SARS2: variants seen among roughly 807,000 people sequenced by gnomAD.
SARS2 encodes the protein seryl-tRNA synthetase 2, mitochondrial, also known as serine--tRNA ligase, mitochondrial.
In SARS2, 52 loss-of-function variants were observed where a neutral mutation model predicts 66.8. The ratio of observed to expected loss-of-function variants is 0.78; its 90% CI spans 0.62 to 0.98. The LOEUF (loss-of-function observed/expected upper bound fraction) is 0.98. SARS2 is among the 50% of genes least tolerant of loss of function. The pLI is 0.00. For missense variants in SARS2, 673 were observed against 706.3 expected (o/e 0.95, Z 0.53); for synonymous variants, 306 against 281.4 (o/e 1.09, Z -0.87).
intron 1 of SARS2, among the ~76,000 whole-genome samples, chr19:38,928,548 T>C (rs1034938673): frequency 2.0e-5 from 3 of 152,030 alleles, no homozygotes; most frequent in South Asian, 4.2e-4. Context: ...ATTTTGGGTG[T>C]GTGTACTGGG....
At chr19:38,923,966 TCA>T (rs1432639143) in intron 2 of SARS2, among the ~76,000 whole-genome samples, 1 of 94,002 alleles carries the variant, frequency 1.1e-5, no homozygotes, top group Non-Finnish European at 1.9e-5. Context: ...AGAGCGAGAC[TCA>T]GTCTCAAAAA....
Position 38,919,791 on chromosome 19 carries a change from T to C in SARS2, c.730A>G (p.Asn244Asp). ...AGALLQHGLV[N>D]FTFNKLLRRG... Reference sequence around the variant, plus strand: ...CGGAGAAGCTTGTTGAATGTGAAGTTGACCAGGCCGTGCTGCAGGAGGGCT... The same window carrying C: ...CGGAGAAGCTTGTTGAATGTGAAGTCGACCAGGCCGTGCTGCAGGAGGGCT... The change falls in exon 7 of 16, where the codon AAC (asparagine) becomes GAC (aspartate). Residue 244 changes from asparagine (N) to aspartate (D), a missense_variant. Asn to Asp is a conservative substitution (Grantham distance 23). Transcript: ENST00000221431. The C allele has an allele frequency of 1.9e-6, 3 of 1,614,180 alleles. No homozygotes were observed. The highest frequency in any genetic ancestry group is 1.6e-4 in the Middle Eastern group (1 of 6,062).
chr19:38,924,131 C>CAA (rs56799985), intron 2 of SARS2, among the ~76,000 whole-genome samples: 36,115 of 141,986 alleles, frequency 0.25, 4,839 homozygotes, highest in East Asian at 0.43. Context: ...GACTCTGTCT[C>CAA]AAAAAAAAAA....
At chr19:38,925,177 G>A (rs1288119689) in intron 2 of SARS2, among the ~76,000 whole-genome samples, 1 of 152,174 alleles carries the variant, frequency 6.6e-6, no homozygotes, top group Admixed American at 6.5e-5. Flanking sequence ...GCCGGGCGTG[G>A]TGGCGCATGT....
At chr19:38,925,188 CTG>C (rs1974607029) in intron 2 of SARS2, among the ~76,000 whole-genome samples, 1 of 152,166 alleles carries the variant, frequency 6.6e-6, no homozygotes, top group Non-Finnish European at 1.5e-5. Context: ...TGGCGCATGT[CTG>C]TAATCCCAGC....
chr19:38,917,972 T>C lies in SARS2; in HGVS notation c.999A>G (p.Thr333=). 6.2e-7 allele frequency: 1 copy of C among 1,607,066 alleles called. No individual in the cohort carries two copies. The highest frequency in any genetic ancestry group is 8.5e-7 in the Non-Finnish European group (1 of 1,176,626). The change falls in exon 11 of 16, where the codon ACA becomes ACG. Residue 333 remains threonine (T), a synonymous_variant. Transcript: ENST00000221431. ...GCCCCCGGGGTTCCTGTCCCGTGTT[T>C]GTCTCTGCCCGGTAGCAGGTGCTGG... ...VCSSTCYRAE[T]NTGQEPRGLY...
At position 38,919,884 on chromosome 19, in the gene SARS2, C is replaced by T. The variant is rs1974487721; in HGVS notation, c.654-17G>A. The T allele has an allele frequency of 4.4e-6, 7 of 1,607,178 alleles. No individual in the cohort carries two copies. The South Asian group carries it at 4.4e-5, about 10-fold the overall frequency. On this transcript the variant is annotated splice_polypyrimidine_tract_variant and intron_variant, in intron 6 of 15. Transcript: ENST00000221431. Reference sequence around the variant, plus strand: ...GACAGGCGCCTGGGAGACAGACAGACAGGCGGGTGCACATGGGCCAGGCTG... The same window carrying T: ...GACAGGCGCCTGGGAGACAGACAGATAGGCGGGTGCACATGGGCCAGGCTG...
At chr19:38,916,354 G>A (rs1157516878) in intron 12 of SARS2, 40 bp from the exon 13 acceptor site, 3 of 1,553,656 alleles carry the variant, frequency 1.9e-6, no homozygotes, top group South Asian at 1.1e-5. Context: ...GTCAGCGGGT[G>A]AGAGGAGGAG....
At chr19:38,926,496 G>C (rs919064027) in intron 1 of SARS2, among the ~76,000 whole-genome samples, 196 bp from the exon 2 acceptor site, 4 of 152,148 alleles carry the variant, frequency 2.6e-5, no homozygotes, top group African/African-American at 7.2e-5. Context: ...CCAGAATTCA[G>C]ACACACTGGC....
At chr19:38,926,178 C>T (rs780337475) in intron 2 of SARS2, 27 bp downstream of exon 2, 1 of 1,587,536 alleles carries the variant, frequency 6.3e-7, no homozygotes, top group South Asian at 1.1e-5. Context: ...GTGGCCACTC[C>T]CCACCTACTC....
chr19:38,918,275 C>G, intron 9 of SARS2, 136 bp from the exon 10 acceptor site: 1 of 1,157,488 alleles, frequency 8.6e-7, no homozygotes, highest in South Asian at 1.3e-5. Flanking sequence ...TACTGCTGTA[C>G]AGTAAACAAC....
chr19:38,916,256 C>G lies in SARS2; in HGVS notation c.1219G>C (p.Glu407Gln). The G allele has an allele frequency of 6.2e-7, 1 of 1,614,042 alleles. No homozygotes were observed. The highest frequency in any genetic ancestry group is 8.5e-7 in the Non-Finnish European group (1 of 1,179,966). The stretch of plus-strand genomic sequence containing the variant: ...CGGCCTCGGCCTGGCATCCAGGCCT[C>G]AATGTCAAACTTGCGGTAGGCGGGG... ...GLPAYRKFDI[E>Q]AWMPGRGRFG... Residue 407 changes from glutamate to glutamine, a missense_variant, in exon 13 of 16, where the codon GAG becomes CAG. Glu to Gln is a conservative substitution (Grantham distance 29). Coordinates refer to ENST00000221431, the MANE Select transcript of SARS2 (RefSeq NM_017827.4).
intron 12 of SARS2, 95 bp from the exon 13 acceptor site, chr19:38,916,409 G>T: frequency 9.1e-7 from 1 of 1,103,128 alleles, no homozygotes; most frequent in Non-Finnish European, 1.4e-6. Context: ...CAGCCAAAAA[G>T]CAGGAAAAAG....
intron 3 of SARS2, 177 bp downstream of exon 3, chr19:38,922,061 A>T (rs1241203625): frequency 6.4e-7 from 1 of 1,566,884 alleles, no homozygotes; most frequent in Admixed American, 1.9e-5. Flanking sequence ...TGGAGCCAGC[A>T]CCTGGATCCA....
chr19:38,915,748 T>TCCC lies in SARS2; in HGVS notation c.1414_1415insGGG (p.Lys471_Asp472insGly). 6.2e-7 allele frequency: 1 copy of TCCC among 1,613,210 alleles called. No homozygotes were observed. The highest frequency in any genetic ancestry group is 8.5e-7 in the Non-Finnish European group (1 of 1,179,946). Reference sequence around the variant, plus strand: ...GGCAGGGGGCACGAGCACTGAGCCGTCCTGGGGACAGAGCAGACCTCAGGA... The same window carrying TCCC: ...GGCAGGGGGCACGAGCACTGAGCCGTCCCCCTGGGGACAGAGCAGACCTCAGGA... On this transcript the variant is annotated inframe_insertion and splice_region_variant, in exon 16 of 16. Transcript: ENST00000221431.
At chr19:38,928,517 T>C (rs1037983765) in intron 1 of SARS2, among the ~76,000 whole-genome samples, 1 of 147,162 alleles carries the variant, frequency 6.8e-6, no homozygotes, top group African/African-American at 2.5e-5. Flanking sequence ...AGAGCAATAA[T>C]TGTTAATGAA....
chr19:38,928,407 C>G, intron 1 of SARS2: 1 of 116,792 alleles, frequency 8.6e-6, no homozygotes, highest in African/African-American at 3.4e-5. Context: ...AACAAAAACA[C>G]ACCCCTGGCC....
chr19:38,917,835 T>C lies in SARS2; in HGVS notation c.1051-2A>G, dbSNP rs1174108469. The C allele has an allele frequency of 6.2e-7, 1 of 1,613,946 alleles. No homozygotes were observed. Among genetic ancestry groups the C allele is most frequent in the Non-Finnish European group, 8.5e-7 (1 of 1,179,792 alleles). On this transcript the variant is annotated splice_acceptor_variant, in intron 11 of 15. Transcript: ENST00000221431. LOFTEE classifies it high-confidence loss of function. Reference sequence around the variant, plus strand: ...GCCTGTCACCCCAAACATCTCCACCTGGGACAGAGGGCACAGGAGTCAGGA... The same window carrying C: ...GCCTGTCACCCCAAACATCTCCACCCGGGACAGAGGGCACAGGAGTCAGGA...
chr19:38,918,746 A>G lies in SARS2; in HGVS notation c.807+20T>C. ...GCCTGACACCCAGGTGGGCGAGGGA[A>G]GCGGAGAGGCCTCACTCACAAACAC... On this transcript the variant is annotated intron_variant, in intron 8 of 15. Transcript: ENST00000221431. 6.4e-7 allele frequency: 1 copy of G among 1,556,216 alleles called. No homozygotes were observed. Among genetic ancestry groups the G allele is most frequent in the Non-Finnish European group, 8.7e-7 (1 of 1,149,246 alleles).
Sources: gnomAD v4.1 joint callset for allele counts (sites outside exome capture counted in the v4.1 genomes callset) on GRCh38, gnomAD v4.1.1 for gene constraint, MANE v1.5 for transcripts, NCBI Gene and HGNC (gene_info 2026-07-23, HGNC 2026-07-21) for gene names.